The following CYRIB variants were observed in gnomAD, a reference collection of about 807,000 sequenced individuals.
The protein encoded by CYRIB is CYFIP-related Rac1 interactor B.
Under a neutral mutation model 44.2 loss-of-function variants are expected in CYRIB, and 8 were observed. That is an observed-to-expected ratio of 0.18 (90% CI 0.11 to 0.33). The LOEUF is 0.33. Ranked by LOEUF, CYRIB falls within the 10% of genes least tolerant of loss-of-function variation. The pLI is 1.00. For missense variants in CYRIB, 185 were observed against 382.8 expected (o/e 0.48, Z 4.31); for synonymous variants, 131 against 127.2 (o/e 1.03, Z -0.20).
chr8:129,909,865 A>G (rs2077096683), intron 1 of CYRIB, among the ~76,000 whole-genome samples: 1 of 152,228 alleles, frequency 6.6e-6, no homozygotes, highest in African/African-American at 2.4e-5. Flanking sequence ...ACTGACAAAC[A>G]TAATCCCTGA....
chr8:130,001,525 CTT>C (rs1325066581), intron 1 of CYRIB, among the ~76,000 whole-genome samples: 18 of 120,334 alleles, frequency 1.5e-4, no homozygotes, highest in African/African-American at 1.9e-4. Flanking sequence ...AAAATAATTT[CTT>C]TTTTTTTTTT....
intron 1 of CYRIB, among the ~76,000 whole-genome samples, chr8:130,006,993 G>A (rs2097116420): frequency 6.6e-6 from 1 of 151,992 alleles, no homozygotes; most frequent in African/African-American, 2.4e-5. Context: ...TGCAGACAAT[G>A]CAAAGTGCTA....
At chr8:129,923,468 T>C (rs1402455810) in intron 1 of CYRIB, among the ~76,000 whole-genome samples, 2 of 151,678 alleles carry the variant, frequency 1.3e-5, no homozygotes, top group Non-Finnish European at 2.9e-5. Flanking sequence ...AGAGACGGAG[T>C]TTCACTATGT....
intron 1 of CYRIB, among the ~76,000 whole-genome samples, chr8:129,919,712 T>C (rs538331990): frequency 7.4e-4 from 112 of 152,310 alleles, no homozygotes; most frequent in African/African-American, 2.5e-3. Context: ...TCAAATAACT[T>C]AATTTTAAGA....
At chr8:129,859,067 G>A (rs2047795911) in intron 5 of CYRIB, among the ~76,000 whole-genome samples, 2 of 152,120 alleles carry the variant, frequency 1.3e-5, no homozygotes, top group South Asian at 4.1e-4. Flanking sequence ...GGCCCCGAAT[G>A]CTAGGCTGCA....
At chr8:129,903,433 G>A (rs932265457) in intron 1 of CYRIB, 83 bp from the exon 4 acceptor site, 1 of 152,458 alleles carries the variant, frequency 6.6e-6, no homozygotes, top group African/African-American at 2.4e-5. Flanking sequence ...TAACTTTAAA[G>A]TTTACGAATG....
chr8:129,978,974 C>G (rs571891129), intron 1 of CYRIB, among the ~76,000 whole-genome samples: 4 of 151,908 alleles, frequency 2.6e-5, no homozygotes, highest in Admixed American at 6.6e-5. Flanking sequence ...CCATCTCGTA[C>G]TAAAAATACC....
At chr8:129,850,577 G>A (rs183801822) in intron 9 of CYRIB, 1 of 449,478 alleles carries the variant, frequency 2.2e-6, no homozygotes, top group Non-Finnish European at 3.9e-6. Flanking sequence ...GTTCTGAGAA[G>A]AGAACTAAGA....
In CYRIB at chr8:129,849,377, G is replaced by A; in HGVS notation, c.714-8C>T. 1 of 1,599,870 alleles carries A rather than the reference G, an allele frequency of 6.3e-7. No individual in the cohort carries two copies. The highest frequency in any genetic ancestry group is 8.5e-7 in the Non-Finnish European group (1 of 1,176,282). On this transcript the variant is annotated splice_polypyrimidine_tract_variant and splice_region_variant and intron_variant, in intron 9 of 11. Coordinates refer to ENST00000519824, the Ensembl canonical transcript of CYRIB. The stretch of plus-strand genomic sequence containing the variant: ...AATCTGCTTCTGTATTCCCTGAAGA[G>A]TAGATAAGATATGCATGGAAGAAGT...
At chr8:129,931,118 T>G (rs1397308939) in intron 1 of CYRIB, among the ~76,000 whole-genome samples, 4 of 151,012 alleles carry the variant, frequency 2.6e-5, no homozygotes, top group Non-Finnish European at 5.9e-5. Context: ...ATTTATAAGA[T>G]GCTAATAAAT....
At chr8:129,880,636 C>T (rs2060503831) in intron 2 of CYRIB, among the ~76,000 whole-genome samples, 2 of 152,124 alleles carry the variant, frequency 1.3e-5, no homozygotes, top group South Asian at 4.1e-4. Flanking sequence ...GCTCCTGTCC[C>T]TCTTTTCCAC....
At position 129,842,113 on chromosome 8, in the gene CYRIB, G is replaced by A. The variant is rs1264950913; in HGVS notation, c.*29C>T. The stretch of plus-strand genomic sequence containing the variant: ...CAGTCATTGCAGAATACTGTCTTCT[G>A]TCTACAGCAGGTGCTTATTCCAGAA... On this transcript the variant is annotated 3_prime_UTR_variant, in exon 12 of 12. Transcript: ENST00000519824. 5 of 1,559,366 alleles carry A rather than the reference G, an allele frequency of 3.2e-6. No individual in the cohort carries two copies. In the South Asian group the frequency reaches 3.3e-5, roughly 10 times the overall value.
At chr8:129,848,449 T>C (rs2041501812) in intron 10 of CYRIB, among the ~76,000 whole-genome samples, 1 of 152,226 alleles carries the variant, frequency 6.6e-6, no homozygotes, top group South Asian at 2.1e-4. Flanking sequence ...AAACTATTTC[T>C]AATACAAACT....
chr8:129,852,548 G>A (rs756247680), intron 7 of CYRIB, among the ~76,000 whole-genome samples: 19 of 152,140 alleles, frequency 1.2e-4, no homozygotes, highest in African/African-American at 1.9e-4. Context: ...ATGGAGGACA[G>A]AAAAATGATT....
At chr8:129,981,348 G>C (rs1424510737) in intron 1 of CYRIB, among the ~76,000 whole-genome samples, 1 of 152,122 alleles carries the variant, frequency 6.6e-6, no homozygotes, top group Non-Finnish European at 1.5e-5. Context: ...ATGGGGTTTC[G>C]CCATGTCGGC....
At chr8:129,890,887 T>C (rs1355135863) in intron 2 of CYRIB, among the ~76,000 whole-genome samples, 2 of 145,212 alleles carry the variant, frequency 1.4e-5, no homozygotes, top group East Asian at 4.0e-4. Context: ...AGTGAGAATG[T>C]CCCAAAAAAG....
At chr8:129,864,780 A>G in intron 4 of CYRIB, 1 of 425,160 alleles carries the variant, frequency 2.4e-6, no homozygotes. Context: ...TGAGCTGGAC[A>G]CCACTGTGGG....
intron 1 of CYRIB, among the ~76,000 whole-genome samples, chr8:129,978,238 G>A (rs962280646): frequency 7.2e-5 from 11 of 152,164 alleles, no homozygotes; most frequent in Non-Finnish European, 1.6e-4. Context: ...TAATTGAATT[G>A]TCTATAGTGT....
chr8:130,013,006 A>C (rs1287497008), intron 1 of CYRIB, among the ~76,000 whole-genome samples: 1 of 152,216 alleles, frequency 6.6e-6, no homozygotes, highest in Non-Finnish European at 1.5e-5. Context: ...GAGAAAAAAA[A>C]TCAATCCTTC....
Sources: allele counts gnomAD v4.1 joint callset (sites outside exome capture counted in the v4.1 genomes callset), GRCh38; gene constraint gnomAD v4.1.1; transcripts MANE v1.5; gene names NCBI Gene and HGNC (gene_info 2026-07-23, HGNC 2026-07-21).